CNKSR2: variants seen among roughly 807,000 people sequenced by gnomAD.
CNKSR2 encodes connector enhancer of kinase suppressor of Ras 2.
Under a neutral mutation model 84.4 loss-of-function variants are expected in CNKSR2, and 14 were observed. That is an observed-to-expected ratio of 0.17 (90% CI 0.11 to 0.26). CNKSR2 has a LOEUF of 0.26. Among genes scored for constraint, CNKSR2 ranks in the 10% least tolerant of loss-of-function variants. CNKSR2 has a pLI of 1.00. For synonymous variants in CNKSR2, 275 were observed against 277.9 expected, an observed-to-expected ratio of 0.99 and a Z score of 0.10; for missense variants, 485 against 771.2, an observed-to-expected ratio of 0.63 and a Z score of 4.40.
intron 17 of CNKSR2, among the ~76,000 whole-genome samples, chrX:21,598,673 T>A (rs887208241): frequency 8.9e-6 from 1 of 112,368 alleles, no homozygotes; most frequent in Non-Finnish European, 1.9e-5. Flanking sequence ...GCATTCTAAT[T>A]TTCTAACTTG....
intron 20 of CNKSR2, among the ~76,000 whole-genome samples, chrX:21,628,678 T>C (rs972665390): frequency 9.0e-6 from 1 of 111,228 alleles, no homozygotes; most frequent in Non-Finnish European, 1.9e-5. Flanking sequence ...CTGGAGTGGC[T>C]GGGACACAGG....
intron 20 of CNKSR2, among the ~76,000 whole-genome samples, chrX:21,624,896 T>A (rs2092616468): frequency 1.8e-5 from 2 of 112,386 alleles, no homozygotes; most frequent in African/African-American, 6.5e-5. Context: ...TTCTATATTA[T>A]CCCCCAATAG....
At chrX:21,526,380 C>T (rs757392259) in intron 9 of CNKSR2, among the ~76,000 whole-genome samples, 1 of 111,253 alleles carries the variant, frequency 9.0e-6, no homozygotes, top group African/African-American at 3.2e-5. Flanking sequence ...GCATCTGTAA[C>T]ATTTTACTAA....
intron 2 of CNKSR2, chrX:21,426,952 T>C (rs1355844292): frequency 3.6e-6 from 1 of 281,653 alleles, no homozygotes; most frequent in Non-Finnish European, 6.1e-6. Context: ...ACCACTCATG[T>C]GCTAGGCTCT....
chrX:21,442,997 G>C (rs927791661), intron 4 of CNKSR2, among the ~76,000 whole-genome samples: 2 of 110,252 alleles, frequency 1.8e-5, no homozygotes, highest in East Asian at 2.9e-4. Flanking sequence ...GGGCCTACTC[G>C]AGGGTGAAGG....
At chrX:21,583,369 C>T (rs2092365158) in intron 13 of CNKSR2, among the ~76,000 whole-genome samples, 1 of 111,718 alleles carries the variant, frequency 9.0e-6, no homozygotes, top group African/African-American at 3.2e-5. Context: ...CATCCTATCC[C>T]ATTTCCATAT....
intron 10 of CNKSR2, among the ~76,000 whole-genome samples, chrX:21,530,551 TTATTC>T (rs2091876589): frequency 9.0e-6 from 1 of 111,620 alleles, no homozygotes; most frequent in Admixed American, 9.5e-5. Context: ...ATAATTTAGT[TTATTC>T]TATGAATTTA....
chrX:21,429,594 T>C (rs1307363234), intron 2 of CNKSR2: 1 of 111,570 alleles, frequency 9.0e-6, no homozygotes. Context: ...TAATTGAGAA[T>C]TGTAATTATA....
chrX:21,620,627 C>T (rs770042439), intron 20 of CNKSR2, among the ~76,000 whole-genome samples: 1 of 111,427 alleles, frequency 9.0e-6, no homozygotes, highest in Non-Finnish European at 1.9e-5. Context: ...TTACAGAGTT[C>T]TTCCTTGTAT....
In CNKSR2 at chrX:21,432,829, A is replaced by G. The variant is rs750990426; in HGVS notation, c.431+15A>G. 1.3e-5 allele frequency: 15 copies of G among 1,199,541 alleles called. No individual in the cohort carries two copies. In the African/African-American group the frequency reaches 1.4e-4, roughly 11 times the overall value. On this transcript the variant is annotated intron_variant, in intron 3 of 21. Transcript: ENST00000379510. ...TGGTTGGACAGGTAAAGTCTTCCGC[A>G]TGTTTCATAAGTATCCTCTCCTCAG...
chrX:21,528,813 C>G (rs1159654877), intron 10 of CNKSR2, among the ~76,000 whole-genome samples: 1 of 110,850 alleles, frequency 9.0e-6, no homozygotes. Context: ...TTATTACTTA[C>G]CCAGTCATAA....
At chrX:21,642,178 C>T in intron 20 of CNKSR2, 1 of 744,923 alleles carries the variant, frequency 1.3e-6, no homozygotes, top group Non-Finnish European at 1.6e-6. Context: ...TGCTTTGAAA[C>T]TTACTATGTT....
rs1442456101 is a variant in CNKSR2, at chrX:21,639,117, G to A, written c.2693-9714G>A. Among the ~76,000 whole-genome samples, 10 of 112,413 alleles carry A rather than the reference G, an allele frequency of 8.9e-5. No individual in the cohort carries two copies. The Admixed American group carries it at 9.5e-4, about 11-fold the overall frequency. Reference sequence around the variant, plus strand: ...ATAAATGAAGTTGTCCACTACAAAGGAGAAGGGTAGTAATTGAGAATTGAA... The same window carrying A: ...ATAAATGAAGTTGTCCACTACAAAGAAGAAGGGTAGTAATTGAGAATTGAA... On this transcript the variant is annotated intron_variant, in intron 20 of 21. Coordinates refer to ENST00000379510, the MANE Select transcript of CNKSR2 (RefSeq NM_014927.5).
At chrX:21,404,367 C>T (rs1424105105) in intron 1 of CNKSR2, among the ~76,000 whole-genome samples, 1 of 111,424 alleles carries the variant, frequency 9.0e-6, no homozygotes, top group East Asian at 2.8e-4. Context: ...TGTGGCTACT[C>T]GTTGTATCTT....
At chrX:21,481,493 C>T (rs748826812) in intron 5 of CNKSR2, among the ~76,000 whole-genome samples, 1 of 111,773 alleles carries the variant, frequency 8.9e-6, no homozygotes, top group African/African-American at 3.3e-5. Context: ...CCCCTGTCCC[C>T]TGGTATATAA....
intron 4 of CNKSR2, among the ~76,000 whole-genome samples, chrX:21,466,952 G>C (rs778626706): frequency 9.0e-6 from 1 of 111,439 alleles, no homozygotes; most frequent in African/African-American, 3.3e-5. Context: ...CTAGCAAGCC[G>C]ATCTTGCTGA....
intron 8 of CNKSR2, among the ~76,000 whole-genome samples, chrX:21,508,109 C>T (rs2091632381): frequency 8.9e-6 from 1 of 112,062 alleles, no homozygotes; most frequent in Non-Finnish European, 1.9e-5. Flanking sequence ...AGGGGGATTG[C>T]TTGAGGCTAG....
Position 21,609,622 on chromosome X carries a change from G to GT in CNKSR2, c.2692+6dup, listed in dbSNP as rs2092539746. The GT allele has an allele frequency of 8.5e-7, 1 of 1,177,724 alleles. No individual in the cohort carries two copies. The highest frequency in any genetic ancestry group is 1.1e-6 in the Non-Finnish European group (1 of 882,058). ...GGGAAAACATAGGAGAAAAAAGTAA[G>GT]TATGTTTCTGGAGATTCTTAGCCTG... is the stretch of plus-strand genomic sequence containing the variant. On this transcript the variant is annotated splice_donor_region_variant and intron_variant, in intron 20 of 21. Transcript: ENST00000379510.
At chrX:21,500,985 A>G (rs1161740482) in intron 7 of CNKSR2, among the ~76,000 whole-genome samples, 1 of 111,850 alleles carries the variant, frequency 8.9e-6, no homozygotes, top group Non-Finnish European at 1.9e-5. Context: ...ATAAATTAGC[A>G]ATTTAATTAT....
Sources: gnomAD v4.1 joint callset for allele counts (sites outside exome capture counted in the v4.1 genomes callset) on GRCh38, gnomAD v4.1.1 for gene constraint, MANE v1.5 for transcripts, NCBI Gene and HGNC (gene_info 2026-07-23, HGNC 2026-07-21) for gene names.